The following MAP2K1 variants were observed in gnomAD, a reference collection of about 807,000 sequenced individuals.
MAP2K1 encodes mitogen-activated protein kinase kinase 1.
In MAP2K1, 16 loss-of-function variants were observed where a neutral mutation model predicts 46.3. The observed-to-expected ratio is 0.35, with a 90% CI of 0.23 to 0.52. The LOEUF (loss-of-function observed/expected upper bound fraction) is 0.52, where lower values mean the gene tolerates loss of function less well. MAP2K1 is among the 20% of genes least tolerant of loss of function. The pLI is 0.94. For synonymous variants in MAP2K1, 183 were observed against 185.6 expected, an observed-to-expected ratio of 0.99 and a Z score of 0.11; for missense variants, 263 against 497.1, an observed-to-expected ratio of 0.53 and a Z score of 4.48.
chr15:66,412,812 C>T (rs747271359), intron 1 of MAP2K1, among the ~76,000 whole-genome samples: 1 of 152,178 alleles, frequency 6.6e-6, no homozygotes, highest in Non-Finnish European at 1.5e-5. Context: ...TACATCTCAG[C>T]CTCCTGAGTA....
chr15:66,480,742 G>T (rs1301933760), intron 5 of MAP2K1, among the ~76,000 whole-genome samples: 2 of 152,232 alleles, frequency 1.3e-5, no homozygotes, highest in African/African-American at 4.8e-5. Flanking sequence ...CACCATATAG[G>T]TTTGGGATGT....
intron 1 of MAP2K1, among the ~76,000 whole-genome samples, chr15:66,434,509 A>AT (rs1014651875): frequency 6.6e-6 from 1 of 152,072 alleles, no homozygotes; most frequent in Non-Finnish European, 1.5e-5. Flanking sequence ...AATTTTTATG[A>AT]TTTTTTGCTG....
At chr15:66,489,603 C>G (rs1435535841) in intron 9 of MAP2K1, 115 bp from the exon 10 acceptor site, 5 of 845,518 alleles carry the variant, frequency 5.9e-6, no homozygotes, top group Non-Finnish European at 1.0e-5. Flanking sequence ...GAGGATGAAT[C>G]AAGCCCAGGC....
At chr15:66,457,573 T>C (rs1339191736) in intron 5 of MAP2K1, among the ~76,000 whole-genome samples, 1 of 152,184 alleles carries the variant, frequency 6.6e-6, no homozygotes, top group African/African-American at 2.4e-5. Context: ...GCCAAAAATA[T>C]TTACTCTCTG....
At chr15:66,389,165 G>A (rs926225966) in intron 1 of MAP2K1, among the ~76,000 whole-genome samples, 5 of 150,704 alleles carry the variant, frequency 3.3e-5, no homozygotes, top group Non-Finnish European at 7.4e-5. Flanking sequence ...CTCGGCCTCC[G>A]AAAATGCTGG....
At chr15:66,488,767 TG>T in intron 8 of MAP2K1, 1 of 203,980 alleles carries the variant, frequency 4.9e-6, no homozygotes, top group South Asian at 8.9e-5. Context: ...CTATGCCTGG[TG>T]GTTTGCACGT....
At chr15:66,442,227 T>G (rs1365618096) in intron 3 of MAP2K1, among the ~76,000 whole-genome samples, 1 of 152,306 alleles carries the variant, frequency 6.6e-6, no homozygotes, top group East Asian at 1.9e-4. Context: ...GTTGGATTCT[T>G]TTACTTCTGA....
intron 5 of MAP2K1, among the ~76,000 whole-genome samples, chr15:66,456,295 G>A (rs770223395): frequency 5.9e-5 from 9 of 152,070 alleles, no homozygotes; most frequent in South Asian, 2.1e-4. Flanking sequence ...TTTTTTGTGC[G>A]TGAATCACTA....
At chr15:66,465,099 C>T (rs1037044754) in intron 5 of MAP2K1, among the ~76,000 whole-genome samples, 1 of 151,848 alleles carries the variant, frequency 6.6e-6, no homozygotes, top group Non-Finnish European at 1.5e-5. Context: ...GTGGCGCATG[C>T]CTGTAATCCC....
chr15:66,438,575 C>T (rs779190726), intron 3 of MAP2K1, among the ~76,000 whole-genome samples: 1 of 152,214 alleles, frequency 6.6e-6, no homozygotes, highest in Non-Finnish European at 1.5e-5. Flanking sequence ...CCTTCCTCCT[C>T]CTTCAGGAGA....
intron 1 of MAP2K1, among the ~76,000 whole-genome samples, chr15:66,425,291 AG>A (rs2093455040): frequency 6.6e-6 from 1 of 152,196 alleles, no homozygotes; most frequent in South Asian, 2.1e-4. Flanking sequence ...GCACAGCTTT[AG>A]GCTTAGATTC....
Position 66,489,709 on chromosome 15 carries a change from T to C in MAP2K1, c.1023-9T>C. On this transcript the variant is annotated splice_polypyrimidine_tract_variant and intron_variant, in intron 9 of 10. Coordinates refer to ENST00000307102, the MANE Select transcript of MAP2K1 (RefSeq NM_002755.4). The stretch of plus-strand genomic sequence containing the variant: ...GCAACAGCTCTTACCTTGTCTTTCT[T>C]CCTTTAAGCTTAATAAAAAACCCCG... The C allele has an allele frequency of 6.2e-7, 1 of 1,612,350 alleles. No individual in the cohort carries two copies. The highest frequency in any genetic ancestry group is 1.1e-5 in the South Asian group (1 of 91,040).
At chr15:66,447,278 A>G (rs1891895290) in intron 5 of MAP2K1, among the ~76,000 whole-genome samples, 1 of 151,486 alleles carries the variant, frequency 6.6e-6, no homozygotes, top group Non-Finnish European at 1.5e-5. Context: ...CTTCTTCCAG[A>G]TACTGATCTT....
At chr15:66,476,977 G>A (rs373028572) in intron 5 of MAP2K1, among the ~76,000 whole-genome samples, 1 of 152,238 alleles carries the variant, frequency 6.6e-6, no homozygotes, top group Admixed American at 6.5e-5. Context: ...GGCTCCAGCA[G>A]CATGCTCTGG....
intron 1 of MAP2K1, among the ~76,000 whole-genome samples, chr15:66,429,663 C>T (rs1207054989): frequency 3.7e-5 from 2 of 53,600 alleles, no homozygotes; most frequent in African/African-American, 9.9e-5. Flanking sequence ...TGCACTGCGG[C>T]GCCCCCCCCC....
At chr15:66,388,524 C>T (rs2140513428) in intron 1 of MAP2K1, among the ~76,000 whole-genome samples, 1 of 152,272 alleles carries the variant, frequency 6.6e-6, no homozygotes, top group African/African-American at 2.4e-5. Flanking sequence ...ACCTCCCTTC[C>T]TTTCTCTAGA....
chr15:66,423,459 AAC>A (rs922588009), intron 1 of MAP2K1, among the ~76,000 whole-genome samples: 4 of 149,484 alleles, frequency 2.7e-5, no homozygotes, highest in African/African-American at 7.4e-5. Context: ...TTTTTTTTGA[AAC>A]AGAGTCTCAC....
chr15:66,435,319 G>T, intron 2 of MAP2K1, 82 bp downstream of exon 2: 1 of 1,118,444 alleles, frequency 8.9e-7, no homozygotes, highest in Non-Finnish European at 1.4e-6. Flanking sequence ...AAGGAAGACT[G>T]ATTTTACTCA....
chr15:66,390,941 C>T (rs1227758152), intron 1 of MAP2K1, among the ~76,000 whole-genome samples: 2 of 152,146 alleles, frequency 1.3e-5, no homozygotes, highest in Non-Finnish European at 2.9e-5. Flanking sequence ...ACTCCTCCTT[C>T]CCTAGGTAGG....
Sources: gnomAD v4.1 joint callset for allele counts (sites outside exome capture counted in the v4.1 genomes callset) on GRCh38, gnomAD v4.1.1 for gene constraint, MANE v1.5 for transcripts, NCBI Gene and HGNC (gene_info 2026-07-23, HGNC 2026-07-21) for gene names.